The following JAKMIP1 variants were observed in gnomAD, a reference collection of about 807,000 sequenced individuals.
JAKMIP1 encodes janus kinase and microtubule-interacting protein 1.
A neutral mutation model predicts 113.0 loss-of-function variants in JAKMIP1; 33 were observed. That is an observed-to-expected ratio of 0.29 (90% CI 0.22 to 0.39). The LOEUF (loss-of-function observed/expected upper bound fraction) is 0.39. Ranked by LOEUF, JAKMIP1 falls within the 10% of genes least tolerant of loss-of-function variation. The probability of loss-of-function intolerance (pLI) is 1.00; values close to 1 mark genes in which losing one functional copy is unlikely to be tolerated. For missense variants in JAKMIP1, 813 were observed against 1,080.5 expected, an observed-to-expected ratio of 0.75 and a Z score of 3.47; for synonymous variants, 480 against 459.9, an observed-to-expected ratio of 1.04 and a Z score of -0.56.
At position 6,108,195 on chromosome 4, in the gene JAKMIP1, G is replaced by A. The variant is rs1714288174; in HGVS notation, c.130-2228C>T. Reference sequence around the variant, plus strand: ...CTCCAGCTCTGCCCAAAGCTGCTGAGAGCCAAGCCCAGGTGACATGACCTA... The same window carrying A: ...CTCCAGCTCTGCCCAAAGCTGCTGAAAGCCAAGCCCAGGTGACATGACCTA... On this transcript the variant is annotated intron_variant, in intron 2 of 20. Transcript: ENST00000409021. The surrounding 1 kb of genome is among the most constrained non-coding windows in gnomAD (Gnocchi z 5.6). Among the ~76,000 whole-genome samples, 1 of 152,132 alleles carries A rather than the reference G, an allele frequency of 6.6e-6. No individual in the cohort carries two copies. The highest frequency in any genetic ancestry group is 6.5e-5 in the Admixed American group (1 of 15,274).
At chr4:6,190,293 A>G (rs1727110255) in intron 1 of JAKMIP1, among the ~76,000 whole-genome samples, 1 of 152,216 alleles carries the variant, frequency 6.6e-6, no homozygotes, top group Non-Finnish European at 1.5e-5. Flanking sequence ...AAGCAGATTA[A>G]CATATCTCTA....
rs571729322 is a variant in JAKMIP1 at position 6,090,178 on chromosome 4, C to T, written c.625-4549G>A. On this transcript the variant is annotated intron_variant, in intron 3 of 20. Transcript: ENST00000409021. ...CAGAGGTTGCAGTGAGCCGAGGTCA[C>T]GCCACTGCACTCCAGCCTGGGTGAC... 1.1e-4 allele frequency among the ~76,000 whole-genome samples: 16 copies of T among 151,750 alleles called. No homozygotes were observed. In the South Asian group the frequency reaches 1.3e-3, roughly 12 times the overall value.
intron 1 of JAKMIP1, among the ~76,000 whole-genome samples, chr4:6,118,001 A>T (rs1486051291): frequency 1.3e-5 from 2 of 152,194 alleles, no homozygotes; most frequent in African/African-American, 4.8e-5. Context: ...CGCAATTATT[A>T]CAGGGTCCTG....
intron 1 of JAKMIP1, among the ~76,000 whole-genome samples, chr4:6,190,815 A>T (rs557675887): frequency 2.6e-5 from 4 of 152,350 alleles, no homozygotes; most frequent in African/African-American, 9.6e-5. Context: ...GTGATGTGAC[A>T]TGTCTCCCTT....
chr4:6,165,473 T>A (rs1396216061), intron 1 of JAKMIP1, among the ~76,000 whole-genome samples: 2 of 152,074 alleles, frequency 1.3e-5, no homozygotes, highest in Non-Finnish European at 2.9e-5. Context: ...CCTGGCTAAT[T>A]TTTGTATTTT....
chr4:6,048,969 C>T (rs891522308), intron 15 of JAKMIP1, 47 bp from the exon 16 acceptor site: 7 of 1,438,472 alleles, frequency 4.9e-6, no homozygotes, highest in African/African-American at 2.8e-5. Context: ...GATCCCAAAT[C>T]CACGTGCAGA....
rs1399190347 is a variant in JAKMIP1 at position 6,137,028 on chromosome 4, T to C, written c.-147-24031A>G. The stretch of plus-strand genomic sequence containing the variant: ...GGACTCTGCAGCCTATTCCCTCCAG[T>C]CCTCCTCTGCACCAGTAATCAAACT... On this transcript the variant is annotated intron_variant, in intron 1 of 20. Transcript: ENST00000409021. The surrounding 1 kb of genome is among the most constrained non-coding windows in gnomAD (Gnocchi z 4.5). Among the ~76,000 whole-genome samples, 1 of 152,042 alleles carries C rather than the reference T, an allele frequency of 6.6e-6. No individual in the cohort carries two copies. Among genetic ancestry groups the C allele is most frequent in the Admixed American group, 6.5e-5 (1 of 15,268 alleles).
At chr4:6,169,603 T>TTGTG (rs71173413) in intron 1 of JAKMIP1, among the ~76,000 whole-genome samples, 6,095 of 137,254 alleles carry the variant, frequency 0.044, 157 homozygotes, top group Admixed American at 0.086. Flanking sequence ...CCCTAGGAAA[T>TTGTG]TGTGTGTGTG....
chr4:6,122,679 CCT>C, intron 1 of JAKMIP1, among the ~76,000 whole-genome samples: 1 of 152,300 alleles, frequency 6.6e-6, no homozygotes, highest in East Asian at 1.9e-4. Context: ...AGTTCATACC[CCT>C]GAACTGTTGT....
At position 6,186,563 on chromosome 4, in the gene JAKMIP1, A is replaced by C. The variant is rs112076965; in HGVS notation, c.-148+13690T>G. 1.5e-3 allele frequency among the ~76,000 whole-genome samples: 226 copies of C among 152,126 alleles called. 6 individuals carry two copies. Among genetic ancestry groups the C allele is most frequent in the Non-Finnish European group, 4.6e-4 (31 of 67,990 alleles). ...TTGTTTGCTTGTTTTCTCTCCTTTT[A>C]ATTTTATTGAGGTTGTATTAGGGCC... On this transcript the variant is annotated intron_variant, in intron 1 of 20. Coordinates refer to ENST00000409021, the MANE Select transcript of JAKMIP1 (RefSeq NM_001099433.2). This position sits in a 1 kb window ranked among gnomAD's most constrained non-coding sequence, Gnocchi z 5.5.
In JAKMIP1 at chr4:6,194,694, C is replaced by T. The variant is rs11728313; in HGVS notation, c.-148+5559G>A. 16,544 of 152,228 alleles carry T rather than the reference C, an allele frequency of 0.11. 1,028 individuals carry two copies. Among genetic ancestry groups the T allele is most frequent in the Non-Finnish European group, 0.14 (9,530 of 68,022 alleles). The allele number at this position is 152,228 out of a possible 1,614,324, so 9.4% of individuals were successfully genotyped here. A position where few individuals can be genotyped will look rare whatever the true frequency, so the allele number is the denominator to read the frequency against. On this transcript the variant is annotated intron_variant, in intron 1 of 20. Transcript: ENST00000409021. This position sits in a 1 kb window ranked among gnomAD's most constrained non-coding sequence, Gnocchi z 7.4. ...TGACCTGGCAGGCATAAGGGTATTTCTGCCACAATGAGCACCCACTGGCAG... is the reference window on the plus strand; with the variant it reads ...TGACCTGGCAGGCATAAGGGTATTTTTGCCACAATGAGCACCCACTGGCAG...
At chr4:6,127,236 C>T (rs940646286) in intron 1 of JAKMIP1, among the ~76,000 whole-genome samples, 2 of 152,234 alleles carry the variant, frequency 1.3e-5, no homozygotes, top group Non-Finnish European at 2.9e-5. Flanking sequence ...CCACCTGACC[C>T]ATCTGAGCCA....
Position 6,064,884 on chromosome 4 carries a change from T to C in JAKMIP1, c.1427A>G (p.Asp476Gly). The C allele has an allele frequency of 6.2e-7, 1 of 1,614,064 alleles. No homozygotes were observed. The highest frequency in any genetic ancestry group is 8.5e-7 in the Non-Finnish European group (1 of 1,180,010). ...RTPATPEEDLDDATAREEADL... is the reference protein window; with the variant it reads ...RTPATPEEDLGDATAREEADL... ...CCTCTCTGCAGGTTTGCTTACATCG[T>C]CCAAGTCTTCTTCGGGCGTGGCTGG... Residue 476 changes from aspartate to glycine, a missense_variant, in exon 9 of 21, where the codon GAC becomes GGC. Around this residue, in one of 2 missense-constraint regions of JAKMIP1, gnomAD observed 540 missense variants for 653.9 expected, o/e 0.83. Coordinates refer to ENST00000409021, the MANE Select transcript of JAKMIP1 (RefSeq NM_001099433.2). This position sits in a 1 kb window ranked among gnomAD's most constrained non-coding sequence, Gnocchi z 4.3.
At chr4:6,056,621 C>A in intron 12 of JAKMIP1, 76 bp downstream of exon 12, 1 of 1,131,508 alleles carries the variant, frequency 8.8e-7, no homozygotes, top group Non-Finnish European at 1.3e-6. Context: ...CTGGGCACGA[C>A]CCGTGTAGTC....
intron 18 of JAKMIP1, among the ~76,000 whole-genome samples, chr4:6,039,055 A>C (rs1713957152): frequency 6.6e-6 from 1 of 152,164 alleles, no homozygotes; most frequent in Non-Finnish European, 1.5e-5. Context: ...ACTCCTGTCT[A>C]CCCATGCAAC....
Position 6,192,266 on chromosome 4 carries a change from C to T in JAKMIP1, c.-148+7987G>A, listed in dbSNP as rs1279665026. On this transcript the variant is annotated intron_variant, in intron 1 of 20. Transcript: ENST00000409021. The surrounding 1 kb of genome is among the most constrained non-coding windows in gnomAD (Gnocchi z 5.0). ...TTTTTCACTCACAGTCCATCTCAGT[C>T]CACAGGAGCCGCATTGCAGTGCTCA... Among the ~76,000 whole-genome samples the T allele has an allele frequency of 6.6e-6, 1 of 152,170 alleles. No homozygotes were observed. The highest frequency in any genetic ancestry group is 1.9e-4 in the East Asian group (1 of 5,190).
intron 3 of JAKMIP1, among the ~76,000 whole-genome samples, chr4:6,095,941 G>T (rs1278427857): frequency 6.6e-6 from 1 of 152,208 alleles, no homozygotes; most frequent in African/African-American, 2.4e-5. Flanking sequence ...GATGAGAAGT[G>T]CTGTGGCAAG....
rs1299175982 is a variant in JAKMIP1, at chr4:6,108,914, G to C, written c.130-2947C>G. 6.6e-6 allele frequency among the ~76,000 whole-genome samples: 1 copy of C among 152,236 alleles called. No individual in the cohort carries two copies. Among genetic ancestry groups the C allele is most frequent in the Admixed American group, 6.5e-5 (1 of 15,286 alleles). On this transcript the variant is annotated intron_variant, in intron 2 of 20. Coordinates refer to ENST00000409021, the MANE Select transcript of JAKMIP1 (RefSeq NM_001099433.2). This position sits in a 1 kb window ranked among gnomAD's most constrained non-coding sequence, Gnocchi z 5.6. ...TATATGGAAATATTTACAGGTATGC[G>C]TACATACGCAGGTCAGTATACACAT...
intron 10 of JAKMIP1, 47 bp from the exon 11 acceptor site, chr4:6,060,554 G>T (rs2108783274): frequency 1.4e-6 from 2 of 1,413,870 alleles, no homozygotes; most frequent in South Asian, 1.1e-5. Context: ...TCCAATGGGT[G>T]ACAGGGAAGC....
Sources: gnomAD v4.1 joint callset for allele counts (sites outside exome capture counted in the v4.1 genomes callset) on GRCh38, gnomAD v4.1.1 for gene constraint, gnomAD v4.1.1 regional missense constraint, Gnocchi (gnomAD v3.1) non-coding constraint, MANE v1.5 for transcripts, NCBI Gene and HGNC (gene_info 2026-07-23, HGNC 2026-07-21) for gene names.